The following POU6F1 variants were observed in gnomAD, a reference collection of about 807,000 sequenced individuals.
POU6F1 encodes POU class 6 homeobox 1, also known as POU domain, class 6, transcription factor 1.
In POU6F1, 9 loss-of-function variants were observed where a neutral mutation model predicts 28.9. The observed-to-expected ratio is 0.31, with a 90% CI of 0.19 to 0.54. The LOEUF (loss-of-function observed/expected upper bound fraction) is 0.54. Ranked by LOEUF, POU6F1 falls within the 20% of genes least tolerant of loss-of-function variation. POU6F1 has a pLI of 0.94. For missense variants in POU6F1, 338 were observed against 426.1 expected (o/e 0.79, Z 1.82); for synonymous variants, 173 against 171.1 (o/e 1.01, Z -0.09).
At chr12:51,205,447 C>G (rs1943527011) in intron 2 of POU6F1, among the ~76,000 whole-genome samples, 1 of 152,190 alleles carries the variant, frequency 6.6e-6, no homozygotes, top group African/African-American at 2.4e-5. Context: ...GCAGGCGGAC[C>G]CTGAGCCTCC....
At chr12:51,215,415 C>A (rs533468662) in intron 1 of POU6F1, among the ~76,000 whole-genome samples, 6 of 151,580 alleles carry the variant, frequency 4.0e-5, no homozygotes, top group African/African-American at 1.5e-4. Flanking sequence ...ATTAGCCAGG[C>A]ATGGTGGTGT....
intron 8 of POU6F1, among the ~76,000 whole-genome samples, 171 bp from the exon 9 acceptor site, chr12:51,192,642 T>C (rs755888009): frequency 2.6e-5 from 4 of 152,190 alleles, no homozygotes; most frequent in Non-Finnish European, 5.9e-5. Flanking sequence ...TGGTGGCTGA[T>C]GCCTGTAATC....
At chr12:51,207,195 TG>T (rs754233600) in intron 1 of POU6F1, 8 of 160,066 alleles carry the variant, frequency 5.0e-5, no homozygotes, top group Non-Finnish European at 9.5e-5. Context: ...GGCTAATTTT[TG>T]TATTTTTAGT....
chr12:51,197,405 C>T (rs1942908300), intron 6 of POU6F1, among the ~76,000 whole-genome samples: 1 of 152,170 alleles, frequency 6.6e-6, no homozygotes, highest in Admixed American at 6.5e-5. Context: ...TAACGCCTCC[C>T]ACTGCCAAGC....
chr12:51,212,178 C>T (rs1944043061), intron 1 of POU6F1, among the ~76,000 whole-genome samples: 2 of 152,028 alleles, frequency 1.3e-5, no homozygotes, highest in South Asian at 4.1e-4. Context: ...ACCGCAACCT[C>T]CGCCTCCCGG....
At chr12:51,208,228 C>T (rs148995321) in intron 1 of POU6F1, among the ~76,000 whole-genome samples, 33 of 151,828 alleles carry the variant, frequency 2.2e-4, no homozygotes, top group African/African-American at 7.2e-4. Context: ...TCGCTTGAGC[C>T]TGGGAGGCAG....
intron 3 of POU6F1, among the ~76,000 whole-genome samples, chr12:51,202,838 G>A (rs927865201): frequency 2.0e-5 from 3 of 152,120 alleles, no homozygotes; most frequent in Admixed American, 6.5e-5. Context: ...TACCCTCAGC[G>A]GCCACAACAA....
chr12:51,198,233 A>C (rs1195084631), intron 5 of POU6F1: 1 of 395,960 alleles, frequency 2.5e-6, no homozygotes, highest in Non-Finnish European at 4.4e-6. Context: ...GTGTAGGTTC[A>C]AGAACCAGAC....
At chr12:51,212,730 C>A (rs1267811920) in intron 1 of POU6F1, among the ~76,000 whole-genome samples, 3 of 134,410 alleles carry the variant, frequency 2.2e-5, no homozygotes, top group Non-Finnish European at 4.6e-5. Flanking sequence ...GAGCCAAGAT[C>A]GCACCATTGC....
In POU6F1 at chr12:51,205,685, C is replaced by T. The variant is rs1943549660; in HGVS notation, c.48+1104G>A. Among the ~76,000 whole-genome samples the T allele has an allele frequency of 3.3e-5, 5 of 152,176 alleles. No individual in the cohort carries two copies. In the South Asian group the frequency reaches 1.0e-3, roughly 31 times the overall value. ...TCGGAGGCTGTGCTGGAAAAAGTGACGATGTGACCCATCAGCAGAATATGA... is the reference window on the plus strand; with the variant it reads ...TCGGAGGCTGTGCTGGAAAAAGTGATGATGTGACCCATCAGCAGAATATGA... On this transcript the variant is annotated intron_variant, in intron 2 of 10. Transcript: ENST00000333640.
intron 3 of POU6F1, among the ~76,000 whole-genome samples, chr12:51,202,854 A>G (rs1943320489): frequency 6.6e-6 from 1 of 152,184 alleles, no homozygotes; most frequent in Non-Finnish European, 1.5e-5. Flanking sequence ...AACAATGAAA[A>G]TATGCATGTG....
rs1337880351 is a variant in POU6F1 at position 51,190,304 on chromosome 12, G to A, written c.1779C>T (p.Cys593=). ...TGTTCTTGAGCGTCTGGCGCCGATT[G>A]CAGAACCAGACCCGCACTACCTCAC... is the stretch of plus-strand genomic sequence containing the variant. ...YDREVVRVWF[C]NRRQTLKNTS... Residue 593 remains cysteine (C), a synonymous_variant, in exon 11 of 11, where the codon TGC becomes TGT. Coordinates refer to ENST00000333640, the MANE Select transcript of POU6F1 (RefSeq NM_001330422.2). The surrounding 1 kb of genome is among the most constrained non-coding windows in gnomAD (Gnocchi z 4.5). The A allele has an allele frequency of 1.2e-6, 2 of 1,614,204 alleles. No homozygotes were observed. The highest frequency in any genetic ancestry group is 2.2e-5 in the South Asian group (2 of 91,092).
rs777017556 is a variant in POU6F1 at position 51,190,682 on chromosome 12, G to A, written c.1491-90C>T. The A allele has an allele frequency of 5.2e-6, 8 of 1,530,398 alleles. No homozygotes were observed. Among genetic ancestry groups the A allele is most frequent in the African/African-American group, 4.1e-5 (3 of 72,460 alleles). The allele number at this position is 1,530,398 out of a possible 1,614,324, so 94.8% of individuals were successfully genotyped here. A position where few individuals can be genotyped will look rare whatever the true frequency, so the allele number is the denominator to read the frequency against. ...ACCTAGGTGCAGGCTCCATCCTCAAGGGGCCGCTCCTCTAGGGGCTGGTGA... is the reference window on the plus strand; with the variant it reads ...ACCTAGGTGCAGGCTCCATCCTCAAAGGGCCGCTCCTCTAGGGGCTGGTGA... On this transcript the variant is annotated intron_variant, in intron 10 of 10. Transcript: ENST00000333640. The surrounding 1 kb of genome is among the most constrained non-coding windows in gnomAD (Gnocchi z 4.5).
chr12:51,189,971 A>C lies in POU6F1; in HGVS notation c.*276T>G. 2.2e-6 allele frequency: 1 copy of C among 464,702 alleles called. No individual in the cohort carries two copies. 28.8% of individuals were successfully genotyped at this position (464,702 alleles called of 1,614,324 possible). ...GAATTCACCCTTCAGAAACCATGCTAGCAAGGTGCTTCTCTAAGTGACGTC... is the reference window on the plus strand; with the variant it reads ...GAATTCACCCTTCAGAAACCATGCTCGCAAGGTGCTTCTCTAAGTGACGTC... On this transcript the variant is annotated 3_prime_UTR_variant, in exon 11 of 11. Coordinates refer to ENST00000333640, the MANE Select transcript of POU6F1 (RefSeq NM_001330422.2).
Position 51,199,897 on chromosome 12 carries a change from C to T in POU6F1, c.245-29G>A, listed in dbSNP as rs1355178552. Reference sequence around the variant, plus strand: ...CACAAGGCATTGAGAGAAAGAAGGACAAGGAGTGAGCCTGACGTGAGTGGA... The same window carrying T: ...CACAAGGCATTGAGAGAAAGAAGGATAAGGAGTGAGCCTGACGTGAGTGGA... On this transcript the variant is annotated intron_variant, in intron 3 of 10. Transcript: ENST00000333640. The surrounding 1 kb of genome is among the most constrained non-coding windows in gnomAD (Gnocchi z 4.1). 2 of 399,302 alleles carry T rather than the reference C, an allele frequency of 5.0e-6. No individual in the cohort carries two copies. Among genetic ancestry groups the T allele is most frequent in the Non-Finnish European group, 8.8e-6 (2 of 226,224 alleles). The allele number at this position is 399,302 out of a possible 1,614,324, so 24.7% of individuals were successfully genotyped here. A position where few individuals can be genotyped will look rare whatever the true frequency, so the allele number is the denominator to read the frequency against.
chr12:51,190,334 G>A lies in POU6F1; in HGVS notation c.1749C>T (p.Tyr583=), dbSNP rs757838631. The A allele has an allele frequency of 2.5e-6, 4 of 1,614,224 alleles. No homozygotes were observed. Among genetic ancestry groups the A allele is most frequent in the Non-Finnish European group, 3.4e-6 (4 of 1,180,050 alleles). Reference sequence around the variant, plus strand: ...ACCAGACCCGCACTACCTCACGGTCGTAGTTGAGCTCCTTAGCAATTTCAG... The same window carrying A: ...ACCAGACCCGCACTACCTCACGGTCATAGTTGAGCTCCTTAGCAATTTCAG... ...EITEIAKELN[Y]DREVVRVWFC... Residue 583 remains tyrosine, a synonymous_variant, in exon 11 of 11, where the codon TAC becomes TAT. Coordinates refer to ENST00000333640, the MANE Select transcript of POU6F1 (RefSeq NM_001330422.2). The surrounding 1 kb of genome is among the most constrained non-coding windows in gnomAD (Gnocchi z 4.5).
intron 1 of POU6F1, among the ~76,000 whole-genome samples, chr12:51,215,171 T>C (rs1944217870): frequency 6.6e-6 from 1 of 152,048 alleles, no homozygotes; most frequent in South Asian, 2.1e-4. Flanking sequence ...AGCCTCTTAT[T>C]ATTTCCTACC....
chr12:51,212,355 G>A (rs554654270), intron 1 of POU6F1, among the ~76,000 whole-genome samples: 1 of 152,012 alleles, frequency 6.6e-6, no homozygotes, highest in South Asian at 2.1e-4. Flanking sequence ...GCTTCCCAAA[G>A]TGCTGGGATT....
chr12:51,196,996 A>G (rs1432889375), intron 6 of POU6F1, 69 bp from the exon 7 acceptor site: 1 of 871,222 alleles, frequency 1.1e-6, no homozygotes, highest in African/African-American at 1.7e-5. Context: ...AGGGAAGAGG[A>G]CAGAGGGCAT....
Sources: allele counts gnomAD v4.1 joint callset (sites outside exome capture counted in the v4.1 genomes callset), GRCh38; gene constraint gnomAD v4.1.1; non-coding constraint Gnocchi (gnomAD v3.1); transcripts MANE v1.5; gene names NCBI Gene and HGNC (gene_info 2026-07-23, HGNC 2026-07-21).